Variants in ZNF704 observed in about 807,000 individuals in gnomAD.
The protein encoded by ZNF704 is zinc finger protein 704.
A neutral mutation model predicts 44.7 loss-of-function variants in ZNF704; 10 were observed. The ratio of observed to expected loss-of-function variants is 0.22; its 90% CI spans 0.14 to 0.38. The LOEUF (loss-of-function observed/expected upper bound fraction) is 0.38, where lower values mean the gene tolerates loss of function less well. Among genes scored for constraint, ZNF704 ranks in the 10% least tolerant of loss-of-function variants. The pLI, the probability that ZNF704 is intolerant of heterozygous loss-of-function variation, is 1.00. For synonymous variants in ZNF704, 211 were observed against 207.6 expected, an observed-to-expected ratio of 1.02 and a Z score of -0.14; for missense variants, 390 against 545.5, an observed-to-expected ratio of 0.71 and a Z score of 2.84.
In ZNF704 at chr8:80,793,312, T is replaced by C. The variant is rs1807743877; in HGVS notation, c.221+28062A>G. ...TACATGTTATCTGGAGAACACCAAGTATTGATGGGTCTGTAGGTTATCCAA... is the reference window on the plus strand; with the variant it reads ...TACATGTTATCTGGAGAACACCAAGCATTGATGGGTCTGTAGGTTATCCAA... On this transcript the variant is annotated intron_variant, in intron 2 of 8. Coordinates refer to ENST00000327835, the MANE Select transcript of ZNF704 (RefSeq NM_001033723.3). Among the ~76,000 whole-genome samples the C allele has an allele frequency of 3.3e-5, 5 of 152,268 alleles. No individual in the cohort carries two copies. The South Asian group carries it at 1.0e-3, about 32-fold the overall frequency.
chr8:80,727,625 C>T (rs534150464), intron 2 of ZNF704, among the ~76,000 whole-genome samples: 24 of 152,044 alleles, frequency 1.6e-4, no homozygotes, highest in African/African-American at 5.5e-4. Flanking sequence ...GAGAGGCGAG[C>T]TTGGAGGACG....
intron 1 of ZNF704, among the ~76,000 whole-genome samples, chr8:80,853,824 G>C (rs951415941): frequency 6.6e-6 from 1 of 152,124 alleles, no homozygotes; most frequent in Non-Finnish European, 1.5e-5. Flanking sequence ...GAGAAGCAAT[G>C]GGTGTTTTCT....
At chr8:80,779,962 G>A (rs1373780410) in intron 2 of ZNF704, among the ~76,000 whole-genome samples, 2 of 151,890 alleles carry the variant, frequency 1.3e-5, no homozygotes, top group Admixed American at 1.3e-4. Flanking sequence ...AAGGCTCAGA[G>A]ATTCATCCCT....
At chr8:80,649,748 C>G (rs1465891974) in intron 7 of ZNF704, among the ~76,000 whole-genome samples, 1 of 152,190 alleles carries the variant, frequency 6.6e-6, no homozygotes, top group Non-Finnish European at 1.5e-5. Context: ...CAGGGCATAG[C>G]CAAACAAAAG....
chr8:80,857,107 C>T (rs1416608798), intron 1 of ZNF704, among the ~76,000 whole-genome samples: 4 of 152,014 alleles, frequency 2.6e-5, no homozygotes, highest in East Asian at 1.9e-4. Context: ...CTACTGTAAA[C>T]GATATTTGAA....
upstream of ZNF704, among the ~76,000 whole-genome samples, chr8:80,878,422 A>G (rs1329240335): frequency 6.6e-6 from 1 of 152,236 alleles, no homozygotes; most frequent in Non-Finnish European, 1.5e-5. Context: ...AGAACAAAAC[A>G]TATAACAAAT....
chr8:80,774,374 T>C (rs1807375801), intron 2 of ZNF704, among the ~76,000 whole-genome samples: 1 of 152,118 alleles, frequency 6.6e-6, no homozygotes, highest in Non-Finnish European at 1.5e-5. Context: ...CCAGCCTAAA[T>C]CTTCTTTTTC....
Position 80,636,637 on chromosome 8 carries a change from C to G in ZNF704, c.*4729G>C, listed in dbSNP as rs1817666441. On this transcript the variant is annotated 3_prime_UTR_variant, in exon 9 of 9. Coordinates refer to ENST00000327835, the MANE Select transcript of ZNF704 (RefSeq NM_001033723.3). ...ACAGTCCGTGCCGCTGGTAGGGCTA[C>G]TTTCTTAGAGAAATGAAATTTCCAG... The G allele has an allele frequency of 6.6e-6, 1 of 152,236 alleles. No homozygotes were observed. Among genetic ancestry groups the G allele is most frequent in the African/African-American group, 2.4e-5 (1 of 41,464 alleles). 9.4% of individuals were successfully genotyped at this position (152,236 alleles called of 1,614,324 possible).
At chr8:80,864,751 G>A (rs923433918) in intron 1 of ZNF704, among the ~76,000 whole-genome samples, 2 of 152,152 alleles carry the variant, frequency 1.3e-5, no homozygotes, top group Non-Finnish European at 2.9e-5. Context: ...GGGTGGGAAG[G>A]GCAAACCCAT....
At chr8:80,687,106 C>G (rs543080515) in intron 4 of ZNF704, 120 bp downstream of exon 4, 2 of 776,700 alleles carry the variant, frequency 2.6e-6, no homozygotes, top group South Asian at 3.5e-5. Flanking sequence ...GGAACGTAAG[C>G]TGCTTCTTTC....
intron 2 of ZNF704, among the ~76,000 whole-genome samples, chr8:80,809,676 T>C (rs944886002): frequency 3.9e-5 from 6 of 152,166 alleles, no homozygotes; most frequent in Non-Finnish European, 4.4e-5. Flanking sequence ...TACGATAAAA[T>C]AGCAAGCACT....
chr8:80,674,894 C>G (rs907776581), intron 4 of ZNF704, among the ~76,000 whole-genome samples: 1 of 152,156 alleles, frequency 6.6e-6, no homozygotes, highest in Admixed American at 6.5e-5. Flanking sequence ...CAAAAATACA[C>G]GTACCCAACA....
At chr8:80,649,497 A>G (rs765988763) in intron 7 of ZNF704, among the ~76,000 whole-genome samples, 175 of 152,222 alleles carry the variant, frequency 1.1e-3, no homozygotes, top group Non-Finnish European at 8.4e-4. Context: ...GTCTTAGCAA[A>G]CGGCACACCA....
intron 2 of ZNF704, among the ~76,000 whole-genome samples, chr8:80,783,682 C>CT (rs1807567473): frequency 6.6e-6 from 1 of 152,100 alleles, no homozygotes; most frequent in African/African-American, 2.4e-5. Flanking sequence ...ACCTGTACAA[C>CT]CTTTCCCACT....
chr8:80,664,839 G>C lies in ZNF704; in HGVS notation c.903C>G (p.Leu301=), dbSNP rs774374925. The C allele has an allele frequency of 3.1e-6, 5 of 1,614,222 alleles. No individual in the cohort carries two copies. In the Admixed American group the frequency reaches 6.7e-5, roughly 22 times the overall value. The part of the protein sequence containing the change: ...LSRSAPTTLY[L]VHTDHAYQAT... ...CCTGGTAAGCATGGTCAGTGTGCACGAGGTAGAGGGTGGTGGGAGCTGAGC... is the reference window on the plus strand; with the variant it reads ...CCTGGTAAGCATGGTCAGTGTGCACCAGGTAGAGGGTGGTGGGAGCTGAGC... The change falls in exon 6 of 9, where the codon CTC becomes CTG. Residue 301 remains leucine, a synonymous_variant. Transcript: ENST00000327835.
chr8:80,840,921 A>G (rs73264416), intron 1 of ZNF704, among the ~76,000 whole-genome samples: 12,934 of 152,258 alleles, frequency 0.085, 660 homozygotes, highest in African/African-American at 0.13. Flanking sequence ...ATCTGCAGAC[A>G]GCAGACTTCC....
At chr8:80,822,291 G>A (rs1808288425) in intron 1 of ZNF704, among the ~76,000 whole-genome samples, 1 of 140,202 alleles carries the variant, frequency 7.1e-6, no homozygotes, top group South Asian at 2.3e-4. Context: ...CCCATGACAG[G>A]CCCCGGTGTA....
intron 2 of ZNF704, among the ~76,000 whole-genome samples, chr8:80,810,061 T>C (rs1056416703): frequency 6.6e-6 from 1 of 152,226 alleles, no homozygotes; most frequent in Non-Finnish European, 1.5e-5. Context: ...GCCAAAGGTT[T>C]CACAATTACT....
intron 8 of ZNF704, 75 bp from the exon 9 acceptor site, chr8:80,641,552 T>A: frequency 1.2e-6 from 1 of 848,718 alleles, no homozygotes; most frequent in Non-Finnish European, 1.7e-6. Flanking sequence ...CAAAAATCCC[T>A]TGCAAGAGTG....
Sources: allele counts gnomAD v4.1 joint callset (sites outside exome capture counted in the v4.1 genomes callset), GRCh38; gene constraint gnomAD v4.1.1; transcripts MANE v1.5; gene names NCBI Gene and HGNC (gene_info 2026-07-23, HGNC 2026-07-21).